The following ELF1 variants were observed in gnomAD, a reference collection of about 807,000 sequenced individuals.
ELF1 encodes ETS-related transcription factor Elf-1.
A neutral mutation model predicts 59.9 loss-of-function variants in ELF1; 24 were observed. The observed-to-expected ratio is 0.40, with a 90% CI of 0.29 to 0.56. ELF1 has a LOEUF of 0.56. Ranked by LOEUF, ELF1 falls within the 20% of genes least tolerant of loss-of-function variation. The pLI, the probability that ELF1 is intolerant of heterozygous loss-of-function variation, is 0.44. For synonymous variants in ELF1, 248 were observed against 266.2 expected, an observed-to-expected ratio of 0.93 and a Z score of 0.67; for missense variants, 627 against 742.2, an observed-to-expected ratio of 0.84 and a Z score of 1.80.
At chr13:41,012,427 G>C (rs1161230689) in intron 1 of ELF1, among the ~76,000 whole-genome samples, 1 of 148,194 alleles carries the variant, frequency 6.7e-6, no homozygotes, top group Admixed American at 6.7e-5. Flanking sequence ...TTGTTTTTCT[G>C]TTTTGTTTTT....
At chr13:40,978,249 G>A (rs760899898) in intron 2 of ELF1, among the ~76,000 whole-genome samples, 2 of 151,920 alleles carry the variant, frequency 1.3e-5, no homozygotes, top group South Asian at 4.1e-4. Flanking sequence ...GTGGTGGTGC[G>A]TGTCTGTAGT....
At chr13:41,012,659 T>C (rs1021752825) in intron 1 of ELF1, among the ~76,000 whole-genome samples, 1 of 151,582 alleles carries the variant, frequency 6.6e-6, no homozygotes, top group Non-Finnish European at 1.5e-5. Flanking sequence ...TCCTCCTGCC[T>C]CAGCTTCTCG....
intron 3 of ELF1, among the ~76,000 whole-genome samples, chr13:40,958,462 G>C (rs553923566): frequency 1.3e-3 from 192 of 152,148 alleles, no homozygotes; most frequent in African/African-American, 4.4e-3. Context: ...AGGAGGCTAA[G>C]GCAGGAGGAT....
At chr13:40,952,045 C>T (rs1410609377) in intron 3 of ELF1, among the ~76,000 whole-genome samples, 1 of 152,158 alleles carries the variant, frequency 6.6e-6, no homozygotes, top group Non-Finnish European at 1.5e-5. Flanking sequence ...TTGACTGATA[C>T]ATTTCTTAAC....
chr13:41,024,227 C>A (rs1875795104), upstream of ELF1, among the ~76,000 whole-genome samples: 1 of 152,160 alleles, frequency 6.6e-6, no homozygotes, highest in African/African-American at 2.4e-5. Context: ...AGACACATGC[C>A]AACTCCTGGA....
At chr13:41,034,372 A>G (rs1000737652) in intron 1 of ELF1, among the ~76,000 whole-genome samples, 7 of 152,206 alleles carry the variant, frequency 4.6e-5, no homozygotes, top group Admixed American at 3.3e-4. Context: ...CTATACTATG[A>G]CTGCATAAGA....
intron 1 of ELF1, among the ~76,000 whole-genome samples, chr13:41,049,600 C>G (rs1876998662): frequency 6.6e-6 from 1 of 152,018 alleles, no homozygotes; most frequent in South Asian, 2.1e-4. Context: ...TTTCATTTCC[C>G]AAAATACACT....
chr13:40,936,040 A>C (rs193059360), intron 8 of ELF1, among the ~76,000 whole-genome samples: 97 of 152,358 alleles, frequency 6.4e-4, no homozygotes, highest in Admixed American at 1.2e-3. Context: ...TAGTTAGCAC[A>C]CAGATTACAT....
intron 1 of ELF1, among the ~76,000 whole-genome samples, chr13:41,015,273 C>T (rs745621780): frequency 6.6e-6 from 1 of 151,312 alleles, no homozygotes; most frequent in Admixed American, 6.6e-5. Flanking sequence ...CAGTAGGTTT[C>T]GGGGGTGGAT....
At chr13:40,976,031 G>C (rs1213154595) in intron 2 of ELF1, among the ~76,000 whole-genome samples, 1 of 152,136 alleles carries the variant, frequency 6.6e-6, no homozygotes, top group African/African-American at 2.4e-5. Flanking sequence ...AGAAATAACA[G>C]AATAAAGTTG....
intron 3 of ELF1, among the ~76,000 whole-genome samples, chr13:40,955,958 AGCCCCCC>A (rs1871382547): frequency 9.6e-6 from 1 of 104,354 alleles, no homozygotes; most frequent in African/African-American, 4.0e-5. Context: ...CGGGGGGGTC[AGCCCCCC>A]GCCCGGCCAG....
chr13:41,014,652 C>G (rs898951134), intron 1 of ELF1, among the ~76,000 whole-genome samples: 4 of 152,118 alleles, frequency 2.6e-5, no homozygotes, highest in Middle Eastern at 6.3e-3. Flanking sequence ...TTGGAGTTGA[C>G]TCAATAATGG....
intron 1 of ELF1, among the ~76,000 whole-genome samples, chr13:41,016,977 T>TATATAC (rs1875443639): frequency 9.3e-6 from 1 of 107,436 alleles, no homozygotes; most frequent in East Asian, 2.7e-4. Context: ...TATATATATA[T>TATATAC]ATATGAGCTA....
At chr13:41,050,276 G>A (rs970516712) in intron 1 of ELF1, among the ~76,000 whole-genome samples, 4 of 151,990 alleles carry the variant, frequency 2.6e-5, no homozygotes, top group African/African-American at 9.7e-5. Context: ...TCTTCTTTGT[G>A]ACTGGCTTAT....
chr13:40,949,998 T>C (rs1469515913), intron 4 of ELF1, 25 bp from the exon 5 acceptor site: 1 of 1,568,506 alleles, frequency 6.4e-7, no homozygotes, highest in Admixed American at 1.7e-5. Context: ...ATCAACTAAT[T>C]ATAGTCCACT....
intron 2 of ELF1, among the ~76,000 whole-genome samples, chr13:40,976,509 T>C (rs1872911635): frequency 6.6e-6 from 1 of 152,196 alleles, no homozygotes; most frequent in African/African-American, 2.4e-5. Context: ...ACTGGGCAGC[T>C]TGTATAAAAG....
chr13:40,936,760 CAA>C (rs368388366), intron 8 of ELF1, among the ~76,000 whole-genome samples: 2 of 77,158 alleles, frequency 2.6e-5, no homozygotes, highest in Non-Finnish European at 2.2e-5. Flanking sequence ...GACTCCGTCT[CAA>C]AAAAAAAAAA....
Position 40,958,995 on chromosome 13 carries a change from G to C in ELF1, c.94C>G (p.Pro32Ala). ...ERQLGDPAIF[P>A]AVIVEHVPGA... is the part of the protein sequence containing the mutation. ...GGAACATGTTCCACAATTACGGCAG[G>C]AAAAATAGCTGGATCACCAAGCTGG... Residue 32 changes from proline to alanine, a missense_variant, in exon 3 of 9, where the codon CCT becomes GCT. Physicochemically the swap from Pro to Ala is conservative, Grantham distance 27 (BLOSUM62 -1). This residue lies in a region of ELF1 where 232 missense variants were observed against 269.2 expected (regional missense o/e 0.86). Transcript: ENST00000239882. 1 of 1,610,324 alleles carries C rather than the reference G, an allele frequency of 6.2e-7. No individual in the cohort carries two copies. The highest frequency in any genetic ancestry group is 8.5e-7 in the Non-Finnish European group (1 of 1,178,406).
intron 1 of ELF1, among the ~76,000 whole-genome samples, chr13:41,049,266 T>C (rs75276970): frequency 0.025 from 3,799 of 152,270 alleles, 67 homozygotes; most frequent in Non-Finnish European, 0.036. Flanking sequence ...TTGACAATTC[T>C]CTTAAGTTCA....
Sources: allele counts gnomAD v4.1 joint callset (sites outside exome capture counted in the v4.1 genomes callset), GRCh38; gene constraint gnomAD v4.1.1; regional missense constraint gnomAD v4.1.1; transcripts MANE v1.5; gene names NCBI Gene and HGNC (gene_info 2026-07-23, HGNC 2026-07-21).